THSD7B: variants seen among roughly 807,000 people sequenced by gnomAD.
THSD7B encodes thrombospondin type 1 domain containing 7B.
Under a neutral mutation model 213.6 loss-of-function variants are expected in THSD7B, and 138 were observed. That is an observed-to-expected ratio of 0.65 (90% CI 0.56 to 0.74). The LOEUF is 0.74. THSD7B is among the 30% of genes least tolerant of loss of function. The probability of loss-of-function intolerance (pLI) is 0.00; values close to 1 mark genes in which losing one functional copy is unlikely to be tolerated. For missense variants in THSD7B, 1,931 were observed against 1,991.5 expected, an observed-to-expected ratio of 0.97 and a Z score of 0.58; for synonymous variants, 742 against 687.0, an observed-to-expected ratio of 1.08 and a Z score of -1.25.
At chr2:137,272,840 G>A (rs773014485) in intron 11 of THSD7B, among the ~76,000 whole-genome samples, 178 bp downstream of exon 11, 22 of 152,122 alleles carry the variant, frequency 1.4e-4, no homozygotes, top group Middle Eastern at 6.8e-3. Flanking sequence ...GAGGAGTAGA[G>A]ATATGAAAGT....
chr2:136,957,958 TA>T (rs1434639941), intron 2 of THSD7B, among the ~76,000 whole-genome samples: 3 of 152,212 alleles, frequency 2.0e-5, no homozygotes, highest in African/African-American at 7.2e-5. Context: ...CTAAAATAGT[TA>T]TTTGTATGTA....
intron 3 of THSD7B, among the ~76,000 whole-genome samples, chr2:137,087,681 C>T (rs1687864974): frequency 6.6e-6 from 1 of 152,182 alleles, no homozygotes; most frequent in Non-Finnish European, 1.5e-5. Context: ...ACATCCCATG[C>T]TTATGGATGG....
intron 15 of THSD7B, among the ~76,000 whole-genome samples, chr2:137,484,134 A>T: frequency 6.6e-6 from 1 of 150,786 alleles, no homozygotes; most frequent in East Asian, 2.0e-4. Context: ...CTCGTCATTT[A>T]GCATTAGGTA....
chr2:137,395,075 G>A (rs1686141373), intron 12 of THSD7B, among the ~76,000 whole-genome samples: 1 of 141,446 alleles, frequency 7.1e-6, no homozygotes, highest in Non-Finnish European at 1.6e-5. Flanking sequence ...GAGACAATGG[G>A]GTTTTCTAGA....
At chr2:137,309,613 G>A (rs1019950866) in intron 12 of THSD7B, among the ~76,000 whole-genome samples, 8 of 151,844 alleles carry the variant, frequency 5.3e-5, no homozygotes, top group African/African-American at 1.2e-4. Context: ...CCACTACCTC[G>A]TCATCTAGCA....
chr2:137,318,964 T>C (rs1684194841), intron 12 of THSD7B, among the ~76,000 whole-genome samples: 1 of 151,784 alleles, frequency 6.6e-6, no homozygotes, highest in Admixed American at 6.6e-5. Context: ...GTTCTGAAGA[T>C]TGAATTGTCT....
At chr2:137,233,168 T>C in intron 9 of THSD7B, 35 bp downstream of exon 9, 4 of 1,555,382 alleles carry the variant, frequency 2.6e-6, no homozygotes, top group Non-Finnish European at 3.5e-6. Context: ...ATGCATTTGC[T>C]TATTTCATGT....
chr2:137,383,564 C>T (rs1035395955), intron 12 of THSD7B, among the ~76,000 whole-genome samples: 15 of 152,286 alleles, frequency 9.8e-5, no homozygotes, highest in African/African-American at 2.4e-4. Flanking sequence ...GAGTTTGGAG[C>T]GCAGGCACGT....
At chr2:137,216,288 TG>T (rs1558961939) in intron 7 of THSD7B, among the ~76,000 whole-genome samples, 2 of 596 alleles carry the variant, frequency 3.4e-3, no homozygotes, top group Non-Finnish European at 5.5e-3. Flanking sequence ...CCCACCCCCC[TG>T]CATTATGATA....
At chr2:137,227,077 G>A (rs1465498411) in intron 7 of THSD7B, among the ~76,000 whole-genome samples, 1 of 152,160 alleles carries the variant, frequency 6.6e-6, no homozygotes, top group Admixed American at 6.5e-5. Context: ...TGGGGAAGAG[G>A]TAACAGAAAC....
At chr2:137,232,846 A>G in intron 8 of THSD7B, 53 bp from the exon 9 acceptor site, 3 of 1,571,178 alleles carry the variant, frequency 1.9e-6, no homozygotes, top group South Asian at 1.1e-5. Context: ...CAGAAACAAC[A>G]AAAACAAGAA....
At chr2:137,392,368 G>A (rs1686051556) in intron 12 of THSD7B, among the ~76,000 whole-genome samples, 1 of 152,002 alleles carries the variant, frequency 6.6e-6, no homozygotes, top group Admixed American at 6.6e-5. Context: ...TACTATTATT[G>A]TATTGCTGTC....
At chr2:136,959,585 C>A (rs1573734712) in intron 2 of THSD7B, among the ~76,000 whole-genome samples, 1 of 152,148 alleles carries the variant, frequency 6.6e-6, no homozygotes, top group African/African-American at 2.4e-5. Context: ...AATAAATAAT[C>A]TTGAATTTCC....
chr2:136,983,959 A>G (rs1685629115), intron 2 of THSD7B, among the ~76,000 whole-genome samples: 1 of 152,236 alleles, frequency 6.6e-6, no homozygotes, highest in African/African-American at 2.4e-5. Context: ...CTATAGACTG[A>G]AGTGTTTTAC....
At chr2:137,633,220 C>T (rs1682773897) in intron 20 of THSD7B, among the ~76,000 whole-genome samples, 1 of 152,128 alleles carries the variant, frequency 6.6e-6, no homozygotes, top group Non-Finnish European at 1.5e-5. Context: ...ACAGCTTTAA[C>T]CACTTTTTAG....
chr2:136,797,656 T>C (rs570777296), intron 1 of THSD7B, among the ~76,000 whole-genome samples: 4 of 151,986 alleles, frequency 2.6e-5, no homozygotes, highest in Non-Finnish European at 5.9e-5. Context: ...TGTTGGCGTT[T>C]GCATTTTTCT....
chr2:137,215,690 A>C (rs1436474902), intron 7 of THSD7B, among the ~76,000 whole-genome samples: 1 of 152,204 alleles, frequency 6.6e-6, no homozygotes, highest in African/African-American at 2.4e-5. Flanking sequence ...TTTTGCAAGG[A>C]TTATGTTAAG....
Position 136,959,228 on chromosome 2 carries a change from G to C in THSD7B, c.139+76911G>C, listed in dbSNP as rs151231295. Reference sequence around the variant, plus strand: ...CATTATACTTGCTTAATAATTTCCTGCTTCTTTGTCTGATAGTGCAGCATT... The same window carrying C: ...CATTATACTTGCTTAATAATTTCCTCCTTCTTTGTCTGATAGTGCAGCATT... On this transcript the variant is annotated intron_variant, in intron 2 of 27. Coordinates refer to ENST00000409968, the MANE Select transcript of THSD7B (RefSeq NM_001316349.2). Among the ~76,000 whole-genome samples the C allele has an allele frequency of 6.6e-5, 10 of 152,310 alleles. No individual in the cohort carries two copies. In the East Asian group the frequency reaches 1.4e-3, roughly 21 times the overall value.
chr2:137,127,013 A>G, intron 5 of THSD7B, among the ~76,000 whole-genome samples: 1 of 152,256 alleles, frequency 6.6e-6, no homozygotes, highest in South Asian at 2.1e-4. Context: ...CCCCAAAACA[A>G]TGACAATAAT....
Sources: allele counts gnomAD v4.1 joint callset (sites outside exome capture counted in the v4.1 genomes callset), GRCh38; gene constraint gnomAD v4.1.1; transcripts MANE v1.5; gene names NCBI Gene and HGNC (gene_info 2026-07-23, HGNC 2026-07-21).